DARS1: variants seen among roughly 807,000 people sequenced by gnomAD.
DARS1 encodes aspartate--tRNA ligase, cytoplasmic.
A neutral mutation model predicts 68.8 loss-of-function variants in DARS1; 51 were observed. The ratio of observed to expected loss-of-function variants is 0.74; its 90% CI spans 0.59 to 0.94. The LOEUF is 0.94. Ranked by LOEUF, DARS1 falls within the 40% of genes least tolerant of loss-of-function variation. The pLI is 0.00. For synonymous variants in DARS1, 203 were observed against 190.4 expected, an observed-to-expected ratio of 1.07 and a Z score of -0.55; for missense variants, 607 against 597.3, an observed-to-expected ratio of 1.02 and a Z score of -0.17.
chr2:135,942,301 ACAC>A (rs1372173722), intron 5 of DARS1, among the ~76,000 whole-genome samples: 1 of 152,152 alleles, frequency 6.6e-6, no homozygotes, highest in Non-Finnish European at 1.5e-5. Flanking sequence ...TGGCACATAT[ACAC>A]CATGGAATAC....
At chr2:135,932,524 G>C (rs1212621977) in intron 7 of DARS1, among the ~76,000 whole-genome samples, 1 of 152,170 alleles carries the variant, frequency 6.6e-6, no homozygotes, top group Non-Finnish European at 1.5e-5. Context: ...CTGGAAGCAA[G>C]ATCATTTACT....
At chr2:135,961,581 A>T in intron 3 of DARS1, 83 bp from the exon 4 acceptor site, 1 of 804,076 alleles carries the variant, frequency 1.2e-6, no homozygotes, top group Non-Finnish European at 2.2e-6. Context: ...CTCTACTTTA[A>T]AAGTGGGCCA....
At chr2:135,962,930 AC>A (rs1456217096) in intron 3 of DARS1, among the ~76,000 whole-genome samples, 1 of 152,220 alleles carries the variant, frequency 6.6e-6, no homozygotes, top group Non-Finnish European at 1.5e-5. Flanking sequence ...TGTGCACACG[AC>A]AGTGCTAGGC....
intron 15 of DARS1, among the ~76,000 whole-genome samples, chr2:135,910,477 C>T (rs1369534730): frequency 6.6e-6 from 1 of 152,012 alleles, no homozygotes; most frequent in East Asian, 1.9e-4. Context: ...ACATTTAGGC[C>T]TTTGATCCAT....
chr2:135,940,724 C>T (rs1276845862), intron 5 of DARS1, among the ~76,000 whole-genome samples: 2 of 152,176 alleles, frequency 1.3e-5, no homozygotes, highest in Non-Finnish European at 2.9e-5. Context: ...CAAATTGTCC[C>T]TGTTTGCAGA....
chr2:135,938,780 G>C (rs771335149), intron 5 of DARS1, among the ~76,000 whole-genome samples: 1 of 152,054 alleles, frequency 6.6e-6, no homozygotes, highest in Non-Finnish European at 1.5e-5. Context: ...CACATGCAGA[G>C]ACACACATTG....
At chr2:135,979,477 G>A (rs547225004) in intron 2 of DARS1, 111 bp from the exon 3 acceptor site, 3 of 641,882 alleles carry the variant, frequency 4.7e-6, no homozygotes, top group Admixed American at 5.3e-5. Context: ...GAACCATCCT[G>A]AATAATTCTC....
intron 3 of DARS1, among the ~76,000 whole-genome samples, chr2:135,973,355 G>A (rs1682424550): frequency 1.3e-5 from 2 of 152,022 alleles, no homozygotes; most frequent in Admixed American, 6.6e-5. Flanking sequence ...ACTTACTTGT[G>A]GGATCTTAAA....
At position 135,911,314 on chromosome 2, in the gene DARS1, T is replaced by G. The variant is rs1575381206; in HGVS notation, c.1342+68A>C. ...GGAGATTTTTAAAAAGACTGAGAAG[T>G]CTTTTAAATGTTTACAATGTATTAT... On this transcript the variant is annotated intron_variant, in intron 14 of 15. Transcript: ENST00000264161. 4 of 847,446 alleles carry G rather than the reference T, an allele frequency of 4.7e-6. No homozygotes were observed. The East Asian group carries it at 7.3e-5, about 15-fold the overall frequency. The allele number at this position is 847,446 out of a possible 1,614,324, so 52.5% of individuals were successfully genotyped here. A position where few individuals can be genotyped will look rare whatever the true frequency, so the allele number is the denominator to read the frequency against.
intron 4 of DARS1, among the ~76,000 whole-genome samples, chr2:135,955,718 G>C (rs559374981): frequency 8.9e-6 from 1 of 112,274 alleles, no homozygotes; most frequent in Non-Finnish European, 1.6e-5. Flanking sequence ...ACAGGGTCTC[G>C]CTCTGTCACA....
intron 12 of DARS1, among the ~76,000 whole-genome samples, chr2:135,912,974 C>T (rs1010104945): frequency 3.3e-5 from 5 of 151,980 alleles, no homozygotes; most frequent in Admixed American, 6.6e-5. Context: ...GATCCTCCTA[C>T]CTTGGCCTCC....
chr2:135,907,238 C>CTTTGTTTT lies in DARS1; in HGVS notation c.*77_*78insAAAACAAA. ...AGGTTACTGAAAAGAATAAGTGTGG[C>CTTTGTTTT]TTTCTTTTTTTTTTTTTTTTTTTGA... On this transcript the variant is annotated 3_prime_UTR_variant, in exon 16 of 16. Coordinates refer to ENST00000264161, the MANE Select transcript of DARS1 (RefSeq NM_001349.4). 1.4e-6 allele frequency: 1 copy of CTTTGTTTT among 724,938 alleles called. No individual in the cohort carries two copies. 44.9% of individuals were successfully genotyped at this position (724,938 alleles called of 1,614,324 possible). A position where few individuals can be genotyped will look rare whatever the true frequency, so the allele number is the denominator to read the frequency against.
intron 4 of DARS1, among the ~76,000 whole-genome samples, chr2:135,957,243 T>C (rs1575400894): frequency 6.6e-6 from 1 of 151,914 alleles, no homozygotes; most frequent in African/African-American, 2.4e-5. Flanking sequence ...TTTTTTTTTT[T>C]TTGAGACGGA....
At chr2:135,926,521 T>C (rs1463360945) in intron 7 of DARS1, among the ~76,000 whole-genome samples, 1 of 152,206 alleles carries the variant, frequency 6.6e-6, no homozygotes, top group Non-Finnish European at 1.5e-5. Context: ...TGGAGAATAT[T>C]TTCTAGAAGA....
intron 3 of DARS1, among the ~76,000 whole-genome samples, chr2:135,976,480 C>T (rs1682499837): frequency 6.6e-6 from 1 of 152,130 alleles, no homozygotes; most frequent in African/African-American, 2.4e-5. Flanking sequence ...CATTGACACT[C>T]ATAAATTCTC....
chr2:135,954,437 A>G (rs1681917484), intron 4 of DARS1, among the ~76,000 whole-genome samples: 1 of 151,936 alleles, frequency 6.6e-6, no homozygotes, highest in South Asian at 2.1e-4. Flanking sequence ...GTGTGGATCA[A>G]GTGAGAAAAA....
In DARS1 at chr2:135,922,819, C is replaced by T. The variant is rs916537137; in HGVS notation, c.776G>A (p.Cys259Tyr). The T allele has an allele frequency of 1.9e-6, 3 of 1,585,410 alleles. No homozygotes were observed. Among genetic ancestry groups the T allele is most frequent in the Non-Finnish European group, 2.6e-6 (3 of 1,168,444 alleles). ...AGAGAAAACCTTCTCAAAATCAGCA[C>T]AAATGCACATTTGCTTATATAGCTG... The part of the protein sequence containing the change: ...SPQLYKQMCI[C>Y]ADFEKVFSIG... The change falls in exon 9 of 16, where the codon TGT becomes TAT. Residue 259 changes from cysteine (C) to tyrosine (Y), a missense_variant. Cys to Tyr is a radical substitution (Grantham distance 194). Coordinates refer to ENST00000264161, the MANE Select transcript of DARS1 (RefSeq NM_001349.4).
chr2:135,914,216 T>G (rs1457082914), intron 12 of DARS1, among the ~76,000 whole-genome samples: 1 of 152,150 alleles, frequency 6.6e-6, no homozygotes, highest in Non-Finnish European at 1.5e-5. Context: ...AGGTATCACT[T>G]TTAGAGACAC....
At chr2:135,929,094 G>A (rs1379981196) in intron 7 of DARS1, among the ~76,000 whole-genome samples, 1 of 152,146 alleles carries the variant, frequency 6.6e-6, no homozygotes, top group Non-Finnish European at 1.5e-5. Context: ...AGCAGATCAA[G>A]TATGTATGTC....
Sources: allele counts gnomAD v4.1 joint callset (sites outside exome capture counted in the v4.1 genomes callset), GRCh38; gene constraint gnomAD v4.1.1; transcripts MANE v1.5; gene names NCBI Gene and HGNC (gene_info 2026-07-23, HGNC 2026-07-21).